The following CACNB2 variants were observed in gnomAD, a reference collection of about 807,000 sequenced individuals.
The protein encoded by CACNB2 is calcium voltage-gated channel auxiliary subunit beta 2.
A neutral mutation model predicts 73.3 loss-of-function variants in CACNB2; 42 were observed. The ratio of observed to expected loss-of-function variants is 0.57; its 90% CI spans 0.45 to 0.74. The LOEUF (loss-of-function observed/expected upper bound fraction) is 0.74, where lower values mean the gene tolerates loss of function less well. Among genes scored for constraint, CACNB2 ranks in the 30% least tolerant of loss-of-function variants. CACNB2 has a pLI of 0.00. For synonymous variants in CACNB2, 348 were observed against 310.3 expected (o/e 1.12, Z -1.28); for missense variants, 940 against 853.0 (o/e 1.10, Z -1.27).
intron 2 of CACNB2, among the ~76,000 whole-genome samples, chr10:18,400,200 G>A (rs1053138611): frequency 6.6e-6 from 1 of 152,176 alleles, no homozygotes; most frequent in Admixed American, 6.5e-5. Context: ...ATAAAGAACT[G>A]TGCTATATTA....
At chr10:18,481,210 AT>A (rs1564599389) in intron 3 of CACNB2, among the ~76,000 whole-genome samples, 14 of 9,800 alleles carry the variant, frequency 1.4e-3, no homozygotes, top group Admixed American at 1.6e-3. Context: ...ATATATATAT[AT>A]ATATATATAT....
chr10:18,167,348 G>A lies in CACNB2; in HGVS notation c.213+16373G>A, dbSNP rs928691814. Among the ~76,000 whole-genome samples, 9 of 152,074 alleles carry A rather than the reference G, an allele frequency of 5.9e-5. No individual in the cohort carries two copies. The East Asian group carries it at 1.7e-3, about 29-fold the overall frequency. On this transcript the variant is annotated intron_variant, in intron 2 of 13. Coordinates refer to ENST00000324631, the MANE Select transcript of CACNB2 (RefSeq NM_201596.3). Reference sequence around the variant, plus strand: ...GGAGGGTCGACAAATTACTCATTGGGTACTGTGTTCACTATTGGGGTGATG... The same window carrying A: ...GGAGGGTCGACAAATTACTCATTGGATACTGTGTTCACTATTGGGGTGATG...
At chr10:18,345,609 C>T (rs552086009) in intron 2 of CACNB2, among the ~76,000 whole-genome samples, 3 of 152,248 alleles carry the variant, frequency 2.0e-5, no homozygotes, top group Non-Finnish European at 2.9e-5. Flanking sequence ...TAAAACAAAA[C>T]AAAAACAATC....
At chr10:18,247,246 A>G (rs1291978447) in intron 2 of CACNB2, among the ~76,000 whole-genome samples, 1 of 152,214 alleles carries the variant, frequency 6.6e-6, no homozygotes, top group African/African-American at 2.4e-5. Context: ...CAGAGTTGTC[A>G]TAATTACCCA....
chr10:18,536,918 T>C (rs1208156713), intron 12 of CACNB2, among the ~76,000 whole-genome samples: 1 of 152,214 alleles, frequency 6.6e-6, no homozygotes, highest in Non-Finnish European at 1.5e-5. Context: ...AATTTCTAAG[T>C]AATAAGTTAC....
At chr10:18,210,786 T>A (rs1252294961) in intron 2 of CACNB2, among the ~76,000 whole-genome samples, 1 of 152,202 alleles carries the variant, frequency 6.6e-6, no homozygotes, top group Non-Finnish European at 1.5e-5. Context: ...ATCAAGGAAC[T>A]TAAATGCTTT....
chr10:18,323,570 T>A (rs1480488604), intron 2 of CACNB2, among the ~76,000 whole-genome samples: 1 of 152,082 alleles, frequency 6.6e-6, no homozygotes, highest in Non-Finnish European at 1.5e-5. Context: ...ATCTGAATAA[T>A]CAAAAAAAGA....
chr10:18,234,032 G>C (rs1239790512), intron 2 of CACNB2: 1 of 152,274 alleles, frequency 6.6e-6, no homozygotes, highest in Non-Finnish European at 1.5e-5. Flanking sequence ...ATGGTACTTA[G>C]ACATACCAGA....
At chr10:18,457,097 T>TG (rs2047321338) in intron 3 of CACNB2, among the ~76,000 whole-genome samples, 1 of 112,424 alleles carries the variant, frequency 8.9e-6, no homozygotes, top group Non-Finnish European at 2.3e-5. Context: ...GAACTTTGGG[T>TG]GTGGGTGTAT....
intron 3 of CACNB2, among the ~76,000 whole-genome samples, chr10:18,490,488 G>C (rs576753403): frequency 6.6e-6 from 1 of 152,236 alleles, no homozygotes; most frequent in Non-Finnish European, 1.5e-5. Flanking sequence ...TCTTGGGCCT[G>C]ACCCTCCATA....
intron 2 of CACNB2, among the ~76,000 whole-genome samples, chr10:18,342,822 A>T: frequency 6.6e-6 from 1 of 152,228 alleles, no homozygotes; most frequent in Non-Finnish European, 1.5e-5. Flanking sequence ...TTTTTAAATT[A>T]TACATATGTA....
intron 3 of CACNB2, among the ~76,000 whole-genome samples, chr10:18,481,216 A>T (rs1564599560): frequency 3.1e-4 from 4 of 13,002 alleles, no homozygotes; most frequent in Non-Finnish European, 4.5e-4. Flanking sequence ...ATATATATAT[A>T]TATATATATA....
intron 3 of CACNB2, among the ~76,000 whole-genome samples, chr10:18,413,525 C>T (rs2132649603): frequency 6.6e-6 from 1 of 152,334 alleles, no homozygotes; most frequent in East Asian, 1.9e-4. Context: ...TTCCTTTAAA[C>T]CCTTTCTTCT....
At chr10:18,157,597 C>T (rs2032153443) in intron 2 of CACNB2, among the ~76,000 whole-genome samples, 1 of 152,096 alleles carries the variant, frequency 6.6e-6, no homozygotes, top group Non-Finnish European at 1.5e-5. Flanking sequence ...GTTCTGTCTC[C>T]CCGTTTCACA....
At chr10:18,236,981 T>C (rs915106102) in intron 2 of CACNB2, among the ~76,000 whole-genome samples, 2 of 152,180 alleles carry the variant, frequency 1.3e-5, no homozygotes, top group South Asian at 2.1e-4. Flanking sequence ...TGTAGTACTA[T>C]GCACCAGGCG....
At chr10:18,506,785 A>AATGT (rs1014381671) in intron 6 of CACNB2, among the ~76,000 whole-genome samples, 9 of 148,644 alleles carry the variant, frequency 6.1e-5, no homozygotes, top group South Asian at 2.2e-4. Context: ...CAAAGTGATT[A>AATGT]ATGTATTTAT....
intron 2 of CACNB2, among the ~76,000 whole-genome samples, chr10:18,202,197 A>C (rs190808713): frequency 1.4e-3 from 215 of 152,306 alleles, no homozygotes; most frequent in African/African-American, 4.9e-3. Flanking sequence ...GACAACACAC[A>C]AAAAGAGGTG....
intron 2 of CACNB2, among the ~76,000 whole-genome samples, chr10:18,345,884 C>A (rs1302386777): frequency 6.6e-6 from 1 of 152,168 alleles, no homozygotes; most frequent in East Asian, 1.9e-4. Flanking sequence ...GAGCTAATAA[C>A]CATTACGGAG....
chr10:18,323,970 C>A (rs761190208), intron 2 of CACNB2, among the ~76,000 whole-genome samples: 151 of 152,172 alleles, frequency 9.9e-4, no homozygotes, highest in Non-Finnish European at 1.8e-3. Context: ...CCATGAATAG[C>A]CTGCTGATGT....
Sources: gnomAD v4.1 joint callset for allele counts (sites outside exome capture counted in the v4.1 genomes callset) on GRCh38, gnomAD v4.1.1 for gene constraint, MANE v1.5 for transcripts, NCBI Gene and HGNC (gene_info 2026-07-23, HGNC 2026-07-21) for gene names.